Variants in ADGRE5 observed in about 807,000 individuals in gnomAD.
ADGRE5 encodes the protein adhesion G protein-coupled receptor E5.
In ADGRE5, 72 loss-of-function variants were observed where a neutral mutation model predicts 100.3. The observed-to-expected ratio is 0.72, with a 90% CI of 0.59 to 0.87. The LOEUF (loss-of-function observed/expected upper bound fraction) is 0.87, where lower values mean the gene tolerates loss of function less well. Among genes scored for constraint, ADGRE5 ranks in the 40% least tolerant of loss-of-function variants. ADGRE5 has a pLI of 0.00. For missense variants in ADGRE5, 959 were observed against 1,094.7 expected (o/e 0.88, Z 1.75); for synonymous variants, 439 against 447.8 (o/e 0.98, Z 0.25).
chr19:14,408,264 G>C lies in ADGRE5; in HGVS notation c.*143G>C, dbSNP rs911869668. ...CGTGTGCCACCAGGAGGGAGTGGCA[G>C]CTATAGTCTGGCACCAAAGTCCAGG... On this transcript the variant is annotated 3_prime_UTR_variant, in exon 20 of 20. Transcript: ENST00000242786. 3.8e-5 allele frequency: 36 copies of C among 945,960 alleles called. No individual in the cohort carries two copies. The highest frequency in any genetic ancestry group is 5.6e-5 in the Non-Finnish European group (34 of 608,884). The allele number at this position is 945,960 out of a possible 1,614,324, so 58.6% of individuals were successfully genotyped here.
chr19:14,382,187 G>A (rs1401192252), intron 1 of ADGRE5, among the ~76,000 whole-genome samples: 3 of 152,200 alleles, frequency 2.0e-5, no homozygotes, highest in East Asian at 1.9e-4. Flanking sequence ...CCTAAGCAAC[G>A]GGGCAACAAA....
intron 5 of ADGRE5, 101 bp from the exon 6 acceptor site, chr19:14,396,976 T>G: frequency 8.7e-6 from 12 of 1,375,874 alleles, no homozygotes; most frequent in Non-Finnish European, 1.2e-5. Flanking sequence ...ATAATGGTCT[T>G]CAGTCTGAGG....
At chr19:14,388,849 A>T (rs752294065) in intron 3 of ADGRE5, 31 bp downstream of exon 3, 1 of 1,595,822 alleles carries the variant, frequency 6.3e-7, no homozygotes, top group Non-Finnish European at 8.6e-7. Flanking sequence ...CGCAGGGGAC[A>T]TCCGCGATTA....
intron 3 of ADGRE5, among the ~76,000 whole-genome samples, chr19:14,389,651 G>A (rs540628755): frequency 2.0e-5 from 3 of 151,202 alleles, no homozygotes; most frequent in South Asian, 2.1e-4. Context: ...CAGGAGAATC[G>A]CTTAAACCTG....
intron 9 of ADGRE5, among the ~76,000 whole-genome samples, chr19:14,400,981 G>A (rs574615725): frequency 3.5e-4 from 53 of 152,084 alleles, no homozygotes; most frequent in Non-Finnish European, 1.5e-4. Flanking sequence ...AAAATTAGCC[G>A]GGTGTGGTGG....
At chr19:14,391,240 G>T in intron 4 of ADGRE5, 161 bp downstream of exon 4, 2 of 872,896 alleles carry the variant, frequency 2.3e-6, no homozygotes, top group South Asian at 3.4e-5. Context: ...CCCCAGAGAG[G>T]CAGAGTGATG....
rs1057181614 is a variant in ADGRE5, at chr19:14,388,054, C to T, written c.23-396C>T. ...TCACAGCATTGCACTTCAGCCTGGG[C>T]GACAGAGCAAGACTCTGTCTCAAAA... On this transcript the variant is annotated intron_variant, in intron 1 of 19. Transcript: ENST00000242786. Among the ~76,000 whole-genome samples the T allele has an allele frequency of 4.6e-5, 7 of 151,806 alleles. No homozygotes were observed. In the East Asian group the frequency reaches 7.8e-4, roughly 17 times the overall value.
rs578000310 is a variant in ADGRE5, at chr19:14,381,683, C to T, written c.22+138C>T. The T allele has an allele frequency of 1.2e-5, 12 of 1,023,686 alleles. No homozygotes were observed. In the East Asian group the frequency reaches 3.2e-4, roughly 27 times the overall value. The allele number at this position is 1,023,686 out of a possible 1,614,324, so 63.4% of individuals were successfully genotyped here. On this transcript the variant is annotated intron_variant, in intron 1 of 19. Coordinates refer to ENST00000242786, the MANE Select transcript of ADGRE5 (RefSeq NM_078481.4). The stretch of plus-strand genomic sequence containing the variant: ...AGCCACATGGTCAAGCAGGCACTCA[C>T]GGGCACACGGCGAGAGGGGCTGGTG...
Position 14,388,747 on chromosome 19 carries a change from C to T in ADGRE5, c.119C>T (p.Thr40Ile). ...CPQNSSCVNA[T>I]ACRCNPGFSS... is the part of the protein sequence containing the mutation. ...CAGAACTCCTCGTGTGTCAATGCCA[C>T]CGCCTGTCGCTGCAATCCAGGGTTC... Residue 40 changes from threonine (T) to isoleucine (I), a missense_variant, in exon 3 of 20, where the codon ACC becomes ATC. By Grantham distance (89) the Thr-to-Ile change is moderately conservative (BLOSUM62 -1). Coordinates refer to ENST00000242786, the MANE Select transcript of ADGRE5 (RefSeq NM_078481.4). The T allele has an allele frequency of 6.2e-7, 1 of 1,613,958 alleles. No homozygotes were observed. Among genetic ancestry groups the T allele is most frequent in the Non-Finnish European group, 8.5e-7 (1 of 1,180,024 alleles).
chr19:14,404,374 T>C lies in ADGRE5; in HGVS notation c.1450-9T>C. 1 of 1,603,614 alleles carries C rather than the reference T, an allele frequency of 6.2e-7. No homozygotes were observed. The highest frequency in any genetic ancestry group is 1.1e-5 in the South Asian group (1 of 90,512). ...GCCAACCTTTCTGACCACCCCCATC[T>C]GCCCACAGGACGTGATGCCTGGGCC... On this transcript the variant is annotated splice_polypyrimidine_tract_variant and intron_variant, in intron 12 of 19. Coordinates refer to ENST00000242786, the MANE Select transcript of ADGRE5 (RefSeq NM_078481.4).
At chr19:14,398,276 C>T in intron 9 of ADGRE5, 137 bp downstream of exon 9, 2 of 721,010 alleles carry the variant, frequency 2.8e-6, no homozygotes, top group Non-Finnish European at 4.9e-6. Flanking sequence ...ACACACACCA[C>T]ATACAGTATG....
In ADGRE5 at chr19:14,408,472, C is replaced by A; in HGVS notation, c.*351C>A. On this transcript the variant is annotated 3_prime_UTR_variant, in exon 20 of 20. Coordinates refer to ENST00000242786, the MANE Select transcript of ADGRE5 (RefSeq NM_078481.4). The stretch of plus-strand genomic sequence containing the variant: ...TTGTCCCATCCTGGACTTTTCCTCT[C>A]ATGTCTTTGCTGCAGAACTGAAGAG... 3.8e-6 allele frequency: 2 copies of A among 521,948 alleles called. No homozygotes were observed. The highest frequency in any genetic ancestry group is 6.9e-6 in the Non-Finnish European group (2 of 288,942). 32.3% of individuals were successfully genotyped at this position (521,948 alleles called of 1,614,324 possible). A position where few individuals can be genotyped will look rare whatever the true frequency, so the allele number is the denominator to read the frequency against.
rs376149429 is a variant in ADGRE5 at position 14,381,825 on chromosome 19, G to C, written c.22+280G>C. The stretch of plus-strand genomic sequence containing the variant: ...AGCCAGTCTGGCATCTGCTCCCTAA[G>C]AGGGGAAACTGAGGCACGGGGGAAG... On this transcript the variant is annotated intron_variant, in intron 1 of 19. Transcript: ENST00000242786. Among the ~76,000 whole-genome samples, 5 of 152,156 alleles carry C rather than the reference G, an allele frequency of 3.3e-5. 1 individual carries two copies. The highest frequency in any genetic ancestry group is 1.9e-4 in the East Asian group (1 of 5,164).
chr19:14,393,832 C>T (rs1308458186), intron 4 of ADGRE5, among the ~76,000 whole-genome samples: 1 of 152,172 alleles, frequency 6.6e-6, no homozygotes, highest in East Asian at 1.9e-4. Flanking sequence ...ATCATGTTAC[C>T]CCACATGCAT....
At chr19:14,402,182 C>G (rs550332708) in intron 11 of ADGRE5, among the ~76,000 whole-genome samples, 2 of 151,584 alleles carry the variant, frequency 1.3e-5, no homozygotes, top group Admixed American at 1.3e-4. Flanking sequence ...GTCCTAGCAC[C>G]CTAGCACTTT....
In ADGRE5 at chr19:14,401,432, T is replaced by G. The variant is rs1459705484; in HGVS notation, c.944T>G (p.Val315Gly). Residue 315 changes from valine (V) to glycine (G), a missense_variant, in exon 10 of 20, where the codon GTA becomes GGA. Physicochemically the swap from Val to Gly is moderately radical, Grantham distance 109. Transcript: ENST00000242786. This position sits in a 1 kb window ranked among gnomAD's most constrained non-coding sequence, Gnocchi z 4.1. ...VDELMEAPGDVEALAPPVRHL... is the reference protein window; with the variant it reads ...VDELMEAPGDGEALAPPVRHL... ...GAACTGATGGAAGCTCCTGGAGACGTAGAGGCCCTGGCGCCACCTGTCCGG... is the reference window on the plus strand; with the variant it reads ...GAACTGATGGAAGCTCCTGGAGACGGAGAGGCCCTGGCGCCACCTGTCCGG... The G allele has an allele frequency of 1.4e-5, 22 of 1,614,122 alleles. No individual in the cohort carries two copies. Among genetic ancestry groups the G allele is most frequent in the Non-Finnish European group, 1.9e-5 (22 of 1,180,008 alleles).
At position 14,407,980 on chromosome 19, in the gene ADGRE5, A is replaced by ACGT. The variant is rs1976349956; in HGVS notation, c.2451_2453dup (p.Ser818dup). 6.2e-7 allele frequency: 1 copy of ACGT among 1,613,922 alleles called. No homozygotes were observed. Among genetic ancestry groups the ACGT allele is most frequent in the African/African-American group, 1.3e-5 (1 of 74,888 alleles). On this transcript the variant is annotated inframe_insertion, in exon 19 of 20. Transcript: ENST00000242786. Reference sequence around the variant, plus strand: ...CAAGTACTCAGAATTCACCTCCACCACGTCTGGCACTGGCCACAATCAGAC... The same window carrying ACGT: ...CAAGTACTCAGAATTCACCTCCACCACGTCGTCTGGCACTGGCCACAATCAGAC...
In ADGRE5 at chr19:14,406,628, C is replaced by A; in HGVS notation, c.2048+71C>A. On this transcript the variant is annotated intron_variant, in intron 15 of 19. Coordinates refer to ENST00000242786, the MANE Select transcript of ADGRE5 (RefSeq NM_078481.4). This position sits in a 1 kb window ranked among gnomAD's most constrained non-coding sequence, Gnocchi z 6.0. ...TGGGGCTCACAGGCAGTGCCACACACAATGTCCGGCCGCCCTCCGTTCCGC... is the reference window on the plus strand; with the variant it reads ...TGGGGCTCACAGGCAGTGCCACACAAAATGTCCGGCCGCCCTCCGTTCCGC... 1.3e-6 allele frequency: 2 copies of A among 1,599,578 alleles called. No individual in the cohort carries two copies. The highest frequency in any genetic ancestry group is 1.7e-6 in the Non-Finnish European group (2 of 1,167,054).
At chr19:14,384,966 GTTCTT>G (rs1362097841) in intron 1 of ADGRE5, among the ~76,000 whole-genome samples, 9 of 91,736 alleles carry the variant, frequency 9.8e-5, no homozygotes, top group Non-Finnish European at 1.4e-4. Context: ...CTCTCTCTTT[GTTCTT>G]TTCTTTTCTT....
Sources: gnomAD v4.1 joint callset for allele counts (sites outside exome capture counted in the v4.1 genomes callset) on GRCh38, gnomAD v4.1.1 for gene constraint, Gnocchi (gnomAD v3.1) non-coding constraint, MANE v1.5 for transcripts, NCBI Gene and HGNC (gene_info 2026-07-23, HGNC 2026-07-21) for gene names.